SLC2A13: variants seen among roughly 807,000 people sequenced by gnomAD.
SLC2A13 encodes the protein solute carrier family 2 member 13, also known as proton myo-inositol cotransporter.
Under a neutral mutation model 64.4 loss-of-function variants are expected in SLC2A13, and 32 were observed. That is an observed-to-expected ratio of 0.50 (90% CI 0.37 to 0.67). SLC2A13 has a LOEUF of 0.67. Ranked by LOEUF, SLC2A13 falls within the 30% of genes least tolerant of loss-of-function variation. SLC2A13 has a pLI of 0.00. For missense variants in SLC2A13, 743 were observed against 829.2 expected, an observed-to-expected ratio of 0.90 and a Z score of 1.28; for synonymous variants, 338 against 327.1, an observed-to-expected ratio of 1.03 and a Z score of -0.36.
At position 39,805,826 on chromosome 12, in the gene SLC2A13, G is replaced by A. The variant is rs181933651; in HGVS notation, c.1445+24277C>T. 3.4e-3 allele frequency among the ~76,000 whole-genome samples: 520 copies of A among 152,138 alleles called. 8 individuals are homozygous for A. The highest frequency in any genetic ancestry group is 0.012 in the African/African-American group (503 of 41,520). On this transcript the variant is annotated intron_variant, in intron 7 of 9. Transcript: ENST00000280871. ...AAATAATCTAGAAAGGGAGTTGCCC[G>A]TTTTTTTCTCTACTATGTTTGCTGA... is the stretch of plus-strand genomic sequence containing the variant.
intron 3 of SLC2A13, among the ~76,000 whole-genome samples, chr12:39,993,317 A>G (rs866817337): frequency 6.6e-6 from 1 of 152,194 alleles, no homozygotes; most frequent in African/African-American, 2.4e-5. Context: ...CTAATCTTTT[A>G]TGGCAATCCT....
chr12:40,049,305 G>A (rs1251613437), intron 1 of SLC2A13, among the ~76,000 whole-genome samples: 1 of 151,864 alleles, frequency 6.6e-6, no homozygotes, highest in African/African-American at 2.4e-5. Flanking sequence ...TCAATAAAAT[G>A]AATAAAACAG....
At chr12:39,978,934 T>G (rs1340553026) in intron 3 of SLC2A13, among the ~76,000 whole-genome samples, 2 of 148,792 alleles carry the variant, frequency 1.3e-5, no homozygotes, top group Non-Finnish European at 3.0e-5. Flanking sequence ...TCTGACAGCT[T>G]TGAAGAGAGC....
chr12:39,766,866 C>G (rs1247607075), intron 7 of SLC2A13, among the ~76,000 whole-genome samples: 1 of 152,082 alleles, frequency 6.6e-6, no homozygotes, highest in African/African-American at 2.4e-5. Flanking sequence ...GGCTTCGCTT[C>G]TACAATAGTT....
In SLC2A13 at chr12:40,105,032, G is replaced by A. The variant is rs979671196; in HGVS notation, c.556+221C>T. Among the ~76,000 whole-genome samples, 2 of 152,182 alleles carry A rather than the reference G, an allele frequency of 1.3e-5. No homozygotes were observed. The highest frequency in any genetic ancestry group is 2.9e-5 in the Non-Finnish European group (2 of 68,028). ...TCAAAGATTCCACGTGCGCTCGAGG[G>A]AGACTAGAGTGACACCCCCTCCCCC... On this transcript the variant is annotated intron_variant, in intron 1 of 9. Coordinates refer to ENST00000280871, the MANE Select transcript of SLC2A13 (RefSeq NM_052885.4). The surrounding 1 kb of genome is among the most constrained non-coding windows in gnomAD (Gnocchi z 4.2).
At chr12:39,918,362 C>CTT (rs5797644) in intron 4 of SLC2A13, among the ~76,000 whole-genome samples, 15,113 of 147,208 alleles carry the variant, frequency 0.1, 1,000 homozygotes, top group Admixed American at 0.15. Flanking sequence ...CAGAAGTTTC[C>CTT]TTTTTTTTTT....
At chr12:39,968,049 T>A (rs1946554849) in intron 3 of SLC2A13, among the ~76,000 whole-genome samples, 1 of 152,158 alleles carries the variant, frequency 6.6e-6, no homozygotes, top group Admixed American at 6.5e-5. Flanking sequence ...TCCTATAGCT[T>A]CCCTCCTGTA....
chr12:39,922,780 A>C (rs993837513), intron 4 of SLC2A13, among the ~76,000 whole-genome samples: 3 of 152,150 alleles, frequency 2.0e-5, no homozygotes, highest in Non-Finnish European at 4.4e-5. Flanking sequence ...TATTTTAGAT[A>C]AGCTAGTCTT....
At chr12:39,979,221 G>GA (rs925090123) in intron 3 of SLC2A13, among the ~76,000 whole-genome samples, 2 of 115,932 alleles carry the variant, frequency 1.7e-5, no homozygotes, top group African/African-American at 6.6e-5. Flanking sequence ...CACAGATGGG[G>GA]AAAAAACAGA....
At chr12:39,893,700 T>G (rs1331331467) in intron 4 of SLC2A13, among the ~76,000 whole-genome samples, 1 of 152,198 alleles carries the variant, frequency 6.6e-6, no homozygotes, top group East Asian at 1.9e-4. Flanking sequence ...GCAATAAAGA[T>G]TATGTGCTTT....
chr12:39,987,305 G>T (rs181045265), intron 3 of SLC2A13, among the ~76,000 whole-genome samples: 1 of 152,318 alleles, frequency 6.6e-6, no homozygotes, highest in South Asian at 2.1e-4. Context: ...ACTGACACAT[G>T]TATAAAAATC....
chr12:40,081,086 G>A (rs1409604007), intron 1 of SLC2A13, among the ~76,000 whole-genome samples: 1 of 148,394 alleles, frequency 6.7e-6, no homozygotes, highest in Non-Finnish European at 1.5e-5. Flanking sequence ...AGCCTAATGA[G>A]ATTCTCTTTG....
At chr12:40,103,889 A>G (rs1196316596) in intron 1 of SLC2A13, among the ~76,000 whole-genome samples, 1 of 152,256 alleles carries the variant, frequency 6.6e-6, no homozygotes, top group African/African-American at 2.4e-5. Flanking sequence ...TTTTTGTGCC[A>G]ACTTAATATG....
chr12:40,033,357 A>T (rs1045340131), intron 2 of SLC2A13, among the ~76,000 whole-genome samples: 2 of 152,248 alleles, frequency 1.3e-5, no homozygotes, highest in African/African-American at 4.8e-5. Flanking sequence ...TTATTCCCTC[A>T]CCTCTGTTAA....
intron 4 of SLC2A13, among the ~76,000 whole-genome samples, chr12:39,938,235 G>A (rs554288735): frequency 6.6e-6 from 1 of 152,172 alleles, no homozygotes; most frequent in East Asian, 1.9e-4. Flanking sequence ...TATAATTCCT[G>A]ATTTCCAAAT....
chr12:39,865,609 T>C (rs543588964), intron 5 of SLC2A13, among the ~76,000 whole-genome samples: 11 of 152,220 alleles, frequency 7.2e-5, no homozygotes, highest in Non-Finnish European at 1.3e-4. Context: ...TTTCTGACTA[T>C]TGTTTGAGCC....
intron 4 of SLC2A13, among the ~76,000 whole-genome samples, chr12:39,926,813 C>A (rs548999622): frequency 2.6e-5 from 4 of 152,222 alleles, no homozygotes; most frequent in African/African-American, 9.6e-5. Flanking sequence ...CAGGGTCTCC[C>A]TTTGTTGCCC....
At position 39,864,597 on chromosome 12, in the gene SLC2A13, C is replaced by A. The variant is rs187323116; in HGVS notation, c.1319+165G>T. On this transcript the variant is annotated intron_variant, in intron 6 of 9. Coordinates refer to ENST00000280871, the MANE Select transcript of SLC2A13 (RefSeq NM_052885.4). ...TCACACATCTGCACAAGCTATTCCT[C>A]TTCCTAGGGGCCCCTCTCTACCACC... is the stretch of plus-strand genomic sequence containing the variant. 1.4e-4 allele frequency among the ~76,000 whole-genome samples: 21 copies of A among 152,282 alleles called. 1 individual carries two copies. Among genetic ancestry groups the A allele is most frequent in the Admixed American group, 1.3e-3 (20 of 15,296 alleles).
At chr12:39,827,299 G>A (rs576053028) in intron 7 of SLC2A13, among the ~76,000 whole-genome samples, 27 of 152,182 alleles carry the variant, frequency 1.8e-4, no homozygotes, top group African/African-American at 5.5e-4. Flanking sequence ...GCTTTTTCAT[G>A]TGTACCATTA....
Sources: gnomAD v4.1 joint callset for allele counts (sites outside exome capture counted in the v4.1 genomes callset) on GRCh38, gnomAD v4.1.1 for gene constraint, Gnocchi (gnomAD v3.1) non-coding constraint, MANE v1.5 for transcripts, NCBI Gene and HGNC (gene_info 2026-07-23, HGNC 2026-07-21) for gene names.